BLTP3A: variants seen among roughly 807,000 people sequenced by gnomAD.
BLTP3A encodes ICBP90 binding protein 1.
chr6:34,849,254 C>T, the BLTP3A span, among the ~76,000 whole-genome samples: 1 of 151,990 alleles, frequency 6.6e-6, no homozygotes, highest in African/African-American at 2.4e-5. Flanking sequence ...CTGTCTTGGC[C>T]TGCCAAAGGA....
At chr6:34,836,260 G>C in the BLTP3A span, 3 of 1,614,204 alleles carry the variant, frequency 1.9e-6, no homozygotes, top group Non-Finnish European at 2.5e-6. Flanking sequence ...AGTACTTTGA[G>C]AAATTTGATG....
chr6:34,856,632 A>G, the BLTP3A span, among the ~76,000 whole-genome samples: 1 of 152,364 alleles, frequency 6.6e-6, no homozygotes, highest in Non-Finnish European at 1.5e-5. Context: ...CTTGGTCTTA[A>G]GAATAATATC....
At chr6:34,823,432 T>C in the BLTP3A span, 14 of 1,185,464 alleles carry the variant, frequency 1.2e-5, no homozygotes, top group Admixed American at 1.4e-4. Context: ...CTTTTTATTA[T>C]GGACATTTTC....
chr6:34,836,226 A>ACAGCAG, the BLTP3A span: 1 of 1,614,168 alleles, frequency 6.2e-7, no homozygotes, highest in Admixed American at 1.7e-5. Flanking sequence ...GGCAACAGCA[A>ACAGCAG]CAGCAGCAGC....
At chr6:34,798,048 C>T in the BLTP3A span, among the ~76,000 whole-genome samples, 19 of 152,324 alleles carry the variant, frequency 1.2e-4, no homozygotes, top group Non-Finnish European at 2.9e-5. Context: ...AAGCTTCCCA[C>T]CCTGCCCTGT....
At chr6:34,836,111 C>T in the BLTP3A span, 1 of 1,584,860 alleles carries the variant, frequency 6.3e-7, no homozygotes, top group South Asian at 1.1e-5. Flanking sequence ...TACAAAGGAT[C>T]TTTTCAGGGT....
the BLTP3A span, among the ~76,000 whole-genome samples, chr6:34,860,132 G>T: frequency 2.6e-5 from 4 of 152,244 alleles, no homozygotes; most frequent in Non-Finnish European, 5.9e-5. Context: ...AAATAGAAAA[G>T]TTGTGGCTTT....
the BLTP3A span, among the ~76,000 whole-genome samples, chr6:34,827,725 G>A: frequency 1.3e-5 from 2 of 152,068 alleles, no homozygotes; most frequent in African/African-American, 2.4e-5. Context: ...TCTGCCTCCC[G>A]GGTTCAAGCG....
the BLTP3A span, among the ~76,000 whole-genome samples, chr6:34,821,275 C>T: frequency 3.3e-5 from 5 of 152,274 alleles, no homozygotes; most frequent in South Asian, 4.1e-4. Context: ...TGTTTTTATG[C>T]GAGGGTTCAG....
the BLTP3A span, among the ~76,000 whole-genome samples, chr6:34,814,868 AG>A: frequency 6.6e-6 from 1 of 152,226 alleles, no homozygotes; most frequent in African/African-American, 2.4e-5. Flanking sequence ...AAAAAGCAAA[AG>A]AATGTCCTCC....
chr6:34,795,361 A>G, the BLTP3A span, among the ~76,000 whole-genome samples: 1 of 151,550 alleles, frequency 6.6e-6, no homozygotes, highest in Non-Finnish European at 1.5e-5. Context: ...TACAGGGGTG[A>G]GCCACTGCGC....
chr6:34,822,131 T>A, the BLTP3A span, among the ~76,000 whole-genome samples: 1 of 152,178 alleles, frequency 6.6e-6, no homozygotes, highest in African/African-American at 2.4e-5. Context: ...CTGGAACTGC[T>A]GTATGGTATA....
At chr6:34,864,111 G>C in the BLTP3A span, 8 of 1,613,942 alleles carry the variant, frequency 5.0e-6, no homozygotes, top group African/African-American at 1.3e-5. Context: ...GTCATTTGAT[G>C]GTGTCTCATT....
chr6:34,830,365 G>A, the BLTP3A span, among the ~76,000 whole-genome samples: 1 of 151,880 alleles, frequency 6.6e-6, no homozygotes, highest in Non-Finnish European at 1.5e-5. Context: ...GAGGCGGGCA[G>A]ATCACGAGGT....
At chr6:34,792,834 A>G in the BLTP3A span, among the ~76,000 whole-genome samples, 1 of 151,994 alleles carries the variant, frequency 6.6e-6, no homozygotes, top group Admixed American at 6.6e-5. Flanking sequence ...ATTTCCCCTT[A>G]GATTTCCAAC....
At chr6:34,835,443 C>A in the BLTP3A span, 2 of 1,614,120 alleles carry the variant, frequency 1.2e-6, no homozygotes, top group Non-Finnish European at 1.7e-6. Flanking sequence ...AAAGAAAGAG[C>A]CTGGCCCCTG....
chr6:34,855,966 C>A, the BLTP3A span: 2 of 968,852 alleles, frequency 2.1e-6, no homozygotes, highest in Non-Finnish European at 2.5e-6. Flanking sequence ...ACTCTCAGCC[C>A]CTCACTTCCA....
chr6:34,860,577 A>G, the BLTP3A span, among the ~76,000 whole-genome samples: 1 of 152,194 alleles, frequency 6.6e-6, no homozygotes, highest in Admixed American at 6.5e-5. Context: ...ACATTTACTG[A>G]GTGCCTTCTT....
the BLTP3A span, chr6:34,867,250 A>T: frequency 6.2e-7 from 1 of 1,613,782 alleles, no homozygotes; most frequent in Admixed American, 1.7e-5. Flanking sequence ...CTGTTCCACC[A>T]GGATCTCTTT....
Sources: gnomAD v4.1 joint callset for allele counts (sites outside exome capture counted in the v4.1 genomes callset) on GRCh38, gnomAD v4.1.1 for gene constraint, MANE v1.5 for transcripts, NCBI Gene and HGNC (gene_info 2026-07-23, HGNC 2026-07-21) for gene names.